Variants in SH2D4B observed in about 807,000 individuals in gnomAD.
SH2D4B encodes SH2 domain containing 4B.
SH2D4B carries 45 observed loss-of-function variants against 61.5 expected under a neutral mutation model. That is an observed-to-expected ratio of 0.73 (90% confidence interval 0.58 to 0.94). The LOEUF is 0.94. Among genes scored for constraint, SH2D4B ranks in the 40% least tolerant of loss-of-function variants. SH2D4B has a pLI of 0.00. For missense variants in SH2D4B, 572 were observed against 574.2 expected (o/e 1.00, Z 0.04); for synonymous variants, 224 against 220.4 (o/e 1.02, Z -0.14).
intron 4 of SH2D4B, among the ~76,000 whole-genome samples, chr10:80,590,799 C>A (rs1186709788): frequency 6.6e-6 from 1 of 151,974 alleles, no homozygotes; most frequent in Non-Finnish European, 1.5e-5. Flanking sequence ...AAAAGTTGTG[C>A]AATCATCGCC....
At chr10:80,583,498 T>C (rs1842207894) in intron 3 of SH2D4B, among the ~76,000 whole-genome samples, 1 of 149,172 alleles carries the variant, frequency 6.7e-6, no homozygotes, top group Non-Finnish European at 1.5e-5. Context: ...ATGAAACCCG[T>C]CTCCACTAAA....
intron 1 of SH2D4B, among the ~76,000 whole-genome samples, chr10:80,543,343 G>T (rs1030260368): frequency 6.6e-6 from 1 of 152,106 alleles, no homozygotes; most frequent in Non-Finnish European, 1.5e-5. Flanking sequence ...CACTCGGAGC[G>T]GCCGGCCACC....
At chr10:80,589,943 G>A (rs1589347932) in intron 4 of SH2D4B, among the ~76,000 whole-genome samples, 2 of 152,136 alleles carry the variant, frequency 1.3e-5, no homozygotes, top group East Asian at 1.9e-4. Flanking sequence ...TTTGGAGGGT[G>A]GTGCTTCCCT....
chr10:80,603,644 C>T lies in SH2D4B; in HGVS notation c.709C>T (p.Arg237Ter), dbSNP rs567238135. ...AGCCCAGCGCGCCCGGGACGAGTACCGACACCACTCGCTCCGTGCTATCCA... is the reference window on the plus strand; with the variant it reads ...AGCCCAGCGCGCCCGGGACGAGTACTGACACCACTCGCTCCGTGCTATCCA... ...RRAQRARDEY[R>*]HHSLRAIQKG... Residue 237 changes from arginine (R) to a stop codon, truncating the protein, a stop_gained, in exon 5 of 8, where the codon CGA (arginine) becomes TGA (stop). Coordinates refer to ENST00000646907, the MANE Select transcript of SH2D4B (RefSeq NM_001388272.1). LOFTEE classifies it high-confidence loss of function. The T allele has an allele frequency of 5.1e-5, 82 of 1,602,312 alleles. No homozygotes were observed. Among genetic ancestry groups the T allele is most frequent in the Non-Finnish European group, 6.6e-5 (78 of 1,175,270 alleles).
intron 6 of SH2D4B, among the ~76,000 whole-genome samples, chr10:80,620,382 G>A (rs1049583597): frequency 7.2e-5 from 11 of 152,150 alleles, no homozygotes; most frequent in African/African-American, 2.7e-4. Context: ...AGTTTCTTGA[G>A]GCCTCCCAGC....
chr10:80,640,520 C>T (rs541404021), intron 7 of SH2D4B, among the ~76,000 whole-genome samples: 7 of 152,134 alleles, frequency 4.6e-5, no homozygotes, highest in South Asian at 2.1e-4. Flanking sequence ...TTTCTCTTCT[C>T]GCTTTATTTC....
chr10:80,585,964 C>G (rs7095027), intron 3 of SH2D4B, among the ~76,000 whole-genome samples: 1,667 of 152,028 alleles, frequency 0.011, 32 homozygotes, highest in African/African-American at 0.037. Context: ...TGGCCCCACA[C>G]TCGGAGCGTC....
rs560938681 is a variant in SH2D4B at position 80,552,795 on chromosome 10, T to C, written c.184+14280T>C. Among the ~76,000 whole-genome samples, 5 of 152,366 alleles carry C rather than the reference T, an allele frequency of 3.3e-5. No individual in the cohort carries two copies. In the South Asian group the frequency reaches 6.2e-4, roughly 19 times the overall value. ...CCTTAGATGTTGGGGTCTAAATTCT[T>C]TGGGTTCATTTTCATGTGTATTTAC... On this transcript the variant is annotated intron_variant, in intron 1 of 7. Transcript: ENST00000646907.
Position 80,571,532 on chromosome 10 carries a change from G to T in SH2D4B, c.449G>T (p.Arg150Leu), listed in dbSNP as rs376089747. 3.3e-5 allele frequency: 54 copies of T among 1,613,904 alleles called. No individual in the cohort carries two copies. Among genetic ancestry groups the T allele is most frequent in the Middle Eastern group, 1.6e-4 (1 of 6,082 alleles). The stretch of plus-strand genomic sequence containing the variant: ...AAGTGGAAAGTGGAGATGGAAGACC[G>T]CAAGGCTGCCAAAGTCCTGGAGGAA... ...AEKWKVEMED[R>L]KAAKVLEERI... Residue 150 changes from arginine to leucine, a missense_variant, in exon 3 of 8, where the codon CGC (arginine) becomes CTC (leucine). By Grantham distance (102) the Arg-to-Leu change is moderately radical (BLOSUM62 -2). Transcript: ENST00000646907.
chr10:80,606,867 T>C (rs1168217775), intron 5 of SH2D4B, among the ~76,000 whole-genome samples: 1 of 152,224 alleles, frequency 6.6e-6, no homozygotes, highest in Non-Finnish European at 1.5e-5. Flanking sequence ...CAAAGATGAT[T>C]ATCATAGCAT....
At chr10:80,540,669 C>G (rs1841565638) in intron 1 of SH2D4B, 1 of 667,754 alleles carries the variant, frequency 1.5e-6, no homozygotes, top group Admixed American at 2.9e-5. Context: ...TGCACACATT[C>G]ACTTGTTCAC....
intron 1 of SH2D4B, among the ~76,000 whole-genome samples, chr10:80,560,771 A>T (rs1841894014): frequency 7.0e-6 from 1 of 142,560 alleles, no homozygotes; most frequent in African/African-American, 2.7e-5. Flanking sequence ...TGATTCTCAA[A>T]GTGTTGTTCC....
At chr10:80,562,894 CTTTTTTTTTTT>C (rs34539206) in intron 1 of SH2D4B, among the ~76,000 whole-genome samples, 3 of 74,694 alleles carry the variant, frequency 4.0e-5, no homozygotes, top group South Asian at 5.9e-4. Context: ...AACATTTTTT[CTTTTTTTTTTT>C]TTTTTTTTTT....
intron 6 of SH2D4B, among the ~76,000 whole-genome samples, chr10:80,616,908 T>C (rs1289827968): frequency 1.3e-5 from 2 of 152,256 alleles, no homozygotes; most frequent in Non-Finnish European, 2.9e-5. Flanking sequence ...TGGACCCTCT[T>C]CTAAACATTT....
Position 80,541,217 on chromosome 10 carries a change from C to G in SH2D4B, c.184+2702C>G, listed in dbSNP as rs528519637. 5.9e-5 allele frequency among the ~76,000 whole-genome samples: 9 copies of G among 152,264 alleles called. No individual in the cohort carries two copies. In the South Asian group the frequency reaches 1.9e-3, roughly 32 times the overall value. ...CCCCTGGGTTACTGTCTCCTTTCTCCCTTCTTTGGGTTTGCCCAGAAGAGC... is the reference window on the plus strand; with the variant it reads ...CCCCTGGGTTACTGTCTCCTTTCTCGCTTCTTTGGGTTTGCCCAGAAGAGC... On this transcript the variant is annotated intron_variant, in intron 1 of 7. Coordinates refer to ENST00000646907, the MANE Select transcript of SH2D4B (RefSeq NM_001388272.1).
At chr10:80,563,365 T>C (rs939955886) in intron 1 of SH2D4B, among the ~76,000 whole-genome samples, 31 of 152,228 alleles carry the variant, frequency 2.0e-4, no homozygotes, top group Non-Finnish European at 3.7e-4. Flanking sequence ...ATCAGATGTA[T>C]GGTTTGCAAA....
chr10:80,572,958 ATATATATATATATATATATATATATATAT>A (rs1842069119), intron 3 of SH2D4B, among the ~76,000 whole-genome samples: 3 of 4,390 alleles, frequency 6.8e-4, no homozygotes, highest in African/African-American at 3.1e-3. Flanking sequence ...ATATATATAT[ATATATATATATATATATATATATATATAT>A]TTTTTTTTTT....
At chr10:80,571,923 C>T (rs1842052139) in intron 3 of SH2D4B, among the ~76,000 whole-genome samples, 1 of 151,942 alleles carries the variant, frequency 6.6e-6, no homozygotes, top group African/African-American at 2.4e-5. Context: ...CAGGTGCCCA[C>T]CACCACACCC....
chr10:80,558,888 G>T (rs959828422), intron 1 of SH2D4B, among the ~76,000 whole-genome samples: 6 of 152,094 alleles, frequency 3.9e-5, no homozygotes, highest in African/African-American at 1.4e-4. Flanking sequence ...TTGTACTTTT[G>T]CTGTCATATT....
Sources: gnomAD v4.1 joint callset for allele counts (sites outside exome capture counted in the v4.1 genomes callset) on GRCh38, gnomAD v4.1.1 for gene constraint, MANE v1.5 for transcripts, NCBI Gene and HGNC (gene_info 2026-07-23, HGNC 2026-07-21) for gene names.